Variants in GRM5 observed in about 807,000 individuals in gnomAD.
GRM5 encodes the protein glutamate metabotropic receptor 5, also known as metabotropic glutamate receptor 5.
In GRM5, 19 loss-of-function variants were observed where a neutral mutation model predicts 83.1. The ratio of observed to expected loss-of-function variants is 0.23; its 90% confidence interval spans 0.16 to 0.34. GRM5 has a LOEUF of 0.34. Ranked by LOEUF, GRM5 falls within the 10% of genes least tolerant of loss-of-function variation. GRM5 has a pLI of 1.00. For synonymous variants in GRM5, 675 were observed against 633.6 expected, an observed-to-expected ratio of 1.07 and a Z score of -0.98; for missense variants, 1,160 against 1,588.3, an observed-to-expected ratio of 0.73 and a Z score of 4.58.
intron 3 of GRM5, among the ~76,000 whole-genome samples, chr11:88,685,655 T>C (rs1940603919): frequency 6.6e-6 from 1 of 152,124 alleles, no homozygotes; most frequent in Non-Finnish European, 1.5e-5. Context: ...GTCCCAGTGC[T>C]GTGTGCAGGC....
At chr11:88,610,072 A>G (rs2135239684) in intron 4 of GRM5, among the ~76,000 whole-genome samples, 1 of 152,130 alleles carries the variant, frequency 6.6e-6, no homozygotes, top group South Asian at 2.1e-4. Flanking sequence ...TGGGTTCTAT[A>G]TTCTGTTTCA....
chr11:88,570,789 A>T (rs980162645), intron 7 of GRM5, among the ~76,000 whole-genome samples: 2 of 149,728 alleles, frequency 1.3e-5, no homozygotes, highest in African/African-American at 4.9e-5. Flanking sequence ...GGCTGGTCGA[A>T]CTCCTTGCCC....
At chr11:88,592,520 G>A (rs766559147) in intron 6 of GRM5, among the ~76,000 whole-genome samples, 1 of 152,130 alleles carries the variant, frequency 6.6e-6, no homozygotes, top group Non-Finnish European at 1.5e-5. Flanking sequence ...AATAAAAGCA[G>A]TTGCATTTCC....
intron 8 of GRM5, among the ~76,000 whole-genome samples, chr11:88,541,430 A>G (rs1942264187): frequency 6.6e-6 from 1 of 152,222 alleles, no homozygotes; most frequent in Non-Finnish European, 1.5e-5. Flanking sequence ...ATAAGCATAT[A>G]TAAATATATA....
At chr11:88,751,090 A>C (rs530871036) in intron 3 of GRM5, among the ~76,000 whole-genome samples, 2 of 140,358 alleles carry the variant, frequency 1.4e-5, no homozygotes, top group South Asian at 2.1e-4. Context: ...AAAAAAAAAA[A>C]AAAAACAAAG....
In GRM5 at chr11:88,784,887, T is replaced by A. The variant is rs1455804242; in HGVS notation, c.911+65019A>T. 2.0e-5 allele frequency among the ~76,000 whole-genome samples: 3 copies of A among 152,064 alleles called. No homozygotes were observed. The East Asian group carries it at 5.8e-4, about 29-fold the overall frequency. ...TAACTGTTCTATCCATCACATAATCTCTTCTTGTAAATTTATCATGAAATA... is the reference window on the plus strand; with the variant it reads ...TAACTGTTCTATCCATCACATAATCACTTCTTGTAAATTTATCATGAAATA... On this transcript the variant is annotated intron_variant, in intron 3 of 9. Coordinates refer to ENST00000305447, the MANE Select transcript of GRM5 (RefSeq NM_001143831.3).
intron 2 of GRM5, among the ~76,000 whole-genome samples, chr11:88,858,359 A>C (rs1207654882): frequency 6.6e-6 from 1 of 152,062 alleles, no homozygotes; most frequent in Non-Finnish European, 1.5e-5. Context: ...AACTATATGT[A>C]TAAAACATTA....
intron 1 of GRM5, among the ~76,000 whole-genome samples, chr11:89,064,920 G>A (rs1280030963): frequency 1.7e-5 from 1 of 58,114 alleles, no homozygotes; most frequent in Non-Finnish European, 3.8e-5. Context: ...GTGTGTGAGA[G>A]AGAGAGAGAG....
intron 5 of GRM5, among the ~76,000 whole-genome samples, chr11:88,599,461 T>G (rs557923395): frequency 6.6e-6 from 1 of 152,322 alleles, no homozygotes; most frequent in East Asian, 1.9e-4. Flanking sequence ...GCTTTAAAAA[T>G]CTTGTTTTAG....
In GRM5 at chr11:88,849,923, T is replaced by A. The variant is rs375920143; in HGVS notation, c.894A>T (p.Glu298Asp). The change falls in exon 3 of 10, where the codon GAA (glutamate) becomes GAT (aspartate). Residue 298 changes from glutamate to aspartate, a missense_variant. Glu to Asp is a conservative substitution (Grantham distance 45, BLOSUM62 2). Around this residue, in one of 9 missense-constraint regions of GRM5, gnomAD observed 84 missense variants for 231.0 expected, o/e 0.36. Coordinates refer to ENST00000305447, the MANE Select transcript of GRM5 (RefSeq NM_001143831.3). ...MAMRRLGLAGEFLLLGSDGWA... is the reference protein window; with the variant it reads ...MAMRRLGLAGDFLLLGSDGWA... ...TCACTCACCTGCCCAGAAGCAGAAA[T>A]TCTCCCGCTAGACCCAGGCGCCTCA... 64 of 1,613,968 alleles carry A rather than the reference T, an allele frequency of 4.0e-5. No individual in the cohort carries two copies. The highest frequency in any genetic ancestry group is 4.8e-5 in the Non-Finnish European group (57 of 1,179,986).
At chr11:88,968,896 G>C (rs1166450568) in intron 2 of GRM5, among the ~76,000 whole-genome samples, 1 of 152,062 alleles carries the variant, frequency 6.6e-6, no homozygotes, top group Non-Finnish European at 1.5e-5. Context: ...TATTTCTCTT[G>C]GCTGTGGATA....
chr11:88,607,914 TA>T (rs1386408424), intron 4 of GRM5, among the ~76,000 whole-genome samples: 44 of 152,264 alleles, frequency 2.9e-4, no homozygotes, highest in Non-Finnish European at 6.3e-4. Context: ...TCTGATAATG[TA>T]ACTTACTGAG....
intron 3 of GRM5, among the ~76,000 whole-genome samples, chr11:88,751,201 A>T (rs765374852): frequency 2.0e-5 from 3 of 151,866 alleles, no homozygotes; most frequent in Non-Finnish European, 4.4e-5. Context: ...AATAAAACAG[A>T]CCACTAGCTA....
At chr11:88,913,072 T>A (rs1356568873) in intron 2 of GRM5, among the ~76,000 whole-genome samples, 2 of 152,226 alleles carry the variant, frequency 1.3e-5, no homozygotes, top group African/African-American at 4.8e-5. Flanking sequence ...TAGCCAGTTA[T>A]GCATAATCCT....
intron 3 of GRM5, among the ~76,000 whole-genome samples, chr11:88,697,728 A>C (rs1940934915): frequency 6.6e-6 from 1 of 152,234 alleles, no homozygotes; most frequent in African/African-American, 2.4e-5. Flanking sequence ...TTCCTAAAGG[A>C]TGAACAATTC....
intron 3 of GRM5, among the ~76,000 whole-genome samples, chr11:88,685,592 C>T (rs1940602046): frequency 6.6e-6 from 1 of 152,164 alleles, no homozygotes; most frequent in Non-Finnish European, 1.5e-5. Context: ...CAGGCCCTCC[C>T]ATCACAGGCC....
chr11:88,947,891 G>A (rs1443697982), intron 2 of GRM5, among the ~76,000 whole-genome samples: 1 of 152,130 alleles, frequency 6.6e-6, no homozygotes, highest in Non-Finnish European at 1.5e-5. Flanking sequence ...ATGTCCCTTG[G>A]AAACAACTGT....
chr11:88,612,163 T>C (rs1286935722), intron 4 of GRM5, among the ~76,000 whole-genome samples: 1 of 135,466 alleles, frequency 7.4e-6, no homozygotes, highest in African/African-American at 2.8e-5. Flanking sequence ...TTCCCCTTCC[T>C]GTGTCCATGT....
chr11:88,598,084 A>G (rs922129438), intron 5 of GRM5, among the ~76,000 whole-genome samples: 2 of 152,078 alleles, frequency 1.3e-5, no homozygotes, highest in Admixed American at 6.5e-5. Context: ...TAATTTTCCA[A>G]TTTGAGGATA....
Sources: allele counts gnomAD v4.1 joint callset (sites outside exome capture counted in the v4.1 genomes callset), GRCh38; gene constraint gnomAD v4.1.1; regional missense constraint gnomAD v4.1.1; transcripts MANE v1.5; gene names NCBI Gene and HGNC (gene_info 2026-07-23, HGNC 2026-07-21).